The following UGT2B4 variants were observed in gnomAD, a reference collection of about 807,000 sequenced individuals.
The protein encoded by UGT2B4 is UDP glucuronosyltransferase family 2 member B4, also known as UDP-glucuronosyltransferase 2B4.
A neutral mutation model predicts 49.8 loss-of-function variants in UGT2B4; 49 were observed. The ratio of observed to expected loss-of-function variants is 0.98; its 90% CI spans 0.78 to 1.25. The LOEUF (loss-of-function observed/expected upper bound fraction) is 1.25, where lower values mean the gene tolerates loss of function less well. Ranked by LOEUF, UGT2B4 falls within the 50% of genes most tolerant of loss-of-function variation. The pLI is 0.00. For missense variants in UGT2B4, 729 were observed against 627.7 expected, an observed-to-expected ratio of 1.16 and a Z score of -1.73; for synonymous variants, 246 against 217.7, an observed-to-expected ratio of 1.13 and a Z score of -1.14.
intron 1 of UGT2B4, among the ~76,000 whole-genome samples, chr4:69,517,261 G>A (rs324317): frequency 0.012 from 1,784 of 151,524 alleles, 28 homozygotes; most frequent in African/African-American, 0.041. Context: ...AAGCATCCTG[G>A]GAAATATTTC....
chr4:69,493,229 A>T (rs558973693), intron 2 of UGT2B4, among the ~76,000 whole-genome samples: 1 of 151,974 alleles, frequency 6.6e-6, no homozygotes, highest in East Asian at 1.9e-4. Context: ...TGACTCCAGG[A>T]TACTCTCTAT....
chr4:69,503,054 G>A (rs1468431249), intron 1 of UGT2B4, among the ~76,000 whole-genome samples: 5 of 152,220 alleles, frequency 3.3e-5, no homozygotes, highest in African/African-American at 1.2e-4. Flanking sequence ...AGGGGTTGGT[G>A]TGGGAGCATC....
At chr4:69,490,942 G>A (rs908191553) in intron 2 of UGT2B4, among the ~76,000 whole-genome samples, 1 of 152,114 alleles carries the variant, frequency 6.6e-6, no homozygotes, top group Non-Finnish European at 1.5e-5. Context: ...TATTGATGTG[G>A]ACTGGTTGTT....
rs1727547481 is a variant in UGT2B4, at chr4:69,480,405, C to A, written c.*229G>T. 2 of 513,916 alleles carry A rather than the reference C, an allele frequency of 3.9e-6. No individual in the cohort carries two copies. The highest frequency in any genetic ancestry group is 3.3e-6 in the Non-Finnish European group (1 of 304,558). The allele number at this position is 513,916 out of a possible 1,614,324, so 31.8% of individuals were successfully genotyped here. A position where few individuals can be genotyped will look rare whatever the true frequency, so the allele number is the denominator to read the frequency against. ...ATAAGCTCAATACATTTCAATATAACCTCATATGGCTTTATATCATTTTTG... is the reference window on the plus strand; with the variant it reads ...ATAAGCTCAATACATTTCAATATAAACTCATATGGCTTTATATCATTTTTG... On this transcript the variant is annotated 3_prime_UTR_variant, in exon 6 of 6. Transcript: ENST00000305107.
intron 1 of UGT2B4, among the ~76,000 whole-genome samples, chr4:69,523,280 C>A (rs1475709450): frequency 2.0e-5 from 3 of 151,840 alleles, no homozygotes; most frequent in Non-Finnish European, 4.4e-5. Context: ...ACAGGAATTA[C>A]AATTTAAGAT....
At position 69,495,399 on chromosome 4, in the gene UGT2B4, G is replaced by A. The variant is rs375014423; in HGVS notation, c.463C>T (p.Pro155Ser). The A allele has an allele frequency of 7.4e-6, 12 of 1,613,902 alleles. No individual in the cohort carries two copies. Among genetic ancestry groups the A allele is most frequent in the Non-Finnish European group, 1.0e-5 (12 of 1,179,954 alleles). ...FDVVLADAVF[P>S]FGELLAELLK... ...AACTCGGCCAGCAGCTCACCAAAGGGGAAAACAGCATCTGCAAGAACAACA... is the reference window on the plus strand; with the variant it reads ...AACTCGGCCAGCAGCTCACCAAAGGAGAAAACAGCATCTGCAAGAACAACA... The change falls in exon 1 of 6, where the codon CCC becomes TCC. Residue 155 changes from proline (P) to serine (S), a missense_variant. Pro to Ser is a moderately conservative substitution (Grantham distance 74, BLOSUM62 -1). Coordinates refer to ENST00000305107, the MANE Select transcript of UGT2B4 (RefSeq NM_021139.3).
chr4:69,520,884 G>T (rs1282924011), intron 1 of UGT2B4, among the ~76,000 whole-genome samples: 2 of 152,144 alleles, frequency 1.3e-5, no homozygotes, highest in African/African-American at 4.8e-5. Context: ...TTCAAGCTAG[G>T]GGCACCCTAA....
chr4:69,499,095 G>A (rs1463669502), upstream of UGT2B4, among the ~76,000 whole-genome samples: 2 of 152,058 alleles, frequency 1.3e-5, no homozygotes, highest in African/African-American at 4.8e-5. Context: ...AGAACTTCTT[G>A]ATTTCTGCCT....
In UGT2B4 at chr4:69,480,837, A is replaced by G; in HGVS notation, c.1384T>C (p.Phe462Leu). 1 of 1,613,900 alleles carries G rather than the reference A, an allele frequency of 6.2e-7. No individual in the cohort carries two copies. Among genetic ancestry groups the G allele is most frequent in the Non-Finnish European group, 8.5e-7 (1 of 1,179,834 alleles). ...TGGCGCATGACAAATTCAATCCAGA[A>G]GACTGCTCGATCAAGGGGCTTCACT... ...QPVKPLDRAV[F>L]WIEFVMRHKG... The change falls in exon 6 of 6, where the codon TTC (phenylalanine) becomes CTC (leucine). Residue 462 changes from phenylalanine to leucine, a missense_variant. By Grantham distance (22) the Phe-to-Leu change is conservative (BLOSUM62 0). Transcript: ENST00000305107.
At position 69,520,485 on chromosome 4, in the gene UGT2B4, T is replaced by A. The variant is rs1413485427; in HGVS notation, c.-106+5202A>T. Among the ~76,000 whole-genome samples the A allele has an allele frequency of 5.3e-5, 8 of 152,312 alleles. No homozygotes were observed. The East Asian group carries it at 9.7e-4, about 18-fold the overall frequency. ...CCAGCTGTGGCTACAGACTTGGGCA[T>A]CCCTGTATTCATGGGGGTTCAGGAA... On this transcript the variant is annotated intron_variant, in intron 1 of 1. Coordinates refer to the UGT2B4 transcript ENST00000510114.
chr4:69,510,982 C>CTTTTTTTTTTTTTTTTTTTTTTTT (rs1259714505), intron 1 of UGT2B4, among the ~76,000 whole-genome samples: 2 of 110,956 alleles, frequency 1.8e-5, no homozygotes, highest in Non-Finnish European at 3.5e-5. Context: ...TCTTTCTTTT[C>CTTTTTTTTTTTTTTTTTTTTTTTT]TTTTCTTCTT....
chr4:69,495,817 G>C lies in UGT2B4; in HGVS notation c.45C>G (p.Ser15Arg). Residue 15 changes from serine to arginine, a missense_variant, in exon 1 of 6, where the codon AGC becomes AGG. Coordinates refer to ENST00000305107, the MANE Select transcript of UGT2B4 (RefSeq NM_021139.3). ...CACAACTCCCAGAGCTAAAGTAACA[G>C]CTCAGCTGTATCAGCAGAAGAGCTG... ...WTSALLLIQL[S>R]CYFSSGSCGK... 6.2e-7 allele frequency: 1 copy of C among 1,610,860 alleles called. No homozygotes were observed. The highest frequency in any genetic ancestry group is 1.7e-4 in the Middle Eastern group (1 of 6,040).
chr4:69,509,041 T>A lies in UGT2B4; in HGVS notation c.-105-13075A>T, dbSNP rs1013524427. On this transcript the variant is annotated intron_variant, in intron 1 of 1. Coordinates refer to the UGT2B4 transcript ENST00000510114. ...TACTCTCTGATTCTATGAGTTTGAC[T>A]GGTTTAGATGCCTTACAGAAGTGGA... Among the ~76,000 whole-genome samples the A allele has an allele frequency of 7.2e-5, 11 of 152,142 alleles. No individual in the cohort carries two copies. In the East Asian group the frequency reaches 1.9e-3, roughly 27 times the overall value.
chr4:69,525,125 G>T (rs1278753011), intron 1 of UGT2B4, among the ~76,000 whole-genome samples: 2 of 152,152 alleles, frequency 1.3e-5, no homozygotes, highest in Admixed American at 1.3e-4. Context: ...AAGTATTTAA[G>T]AAAGCCAGTC....
At chr4:69,521,465 T>G (rs963742843) in intron 1 of UGT2B4, among the ~76,000 whole-genome samples, 2 of 152,272 alleles carry the variant, frequency 1.3e-5, no homozygotes, top group East Asian at 3.9e-4. Flanking sequence ...GTACGTCTGG[T>G]CCAGCTGCAG....
chr4:69,492,104 G>C (rs1728005003), intron 2 of UGT2B4, among the ~76,000 whole-genome samples: 1 of 151,968 alleles, frequency 6.6e-6, no homozygotes, highest in African/African-American at 2.4e-5. Flanking sequence ...ATTGTAAACT[G>C]AGGGCACGAT....
chr4:69,509,450 TAC>T (rs1386877135), intron 1 of UGT2B4, among the ~76,000 whole-genome samples: 1 of 152,210 alleles, frequency 6.6e-6, no homozygotes. Flanking sequence ...TATTCTCACC[TAC>T]AGTGTACAAG....
At chr4:69,486,148 T>G (rs905462323) in intron 4 of UGT2B4, among the ~76,000 whole-genome samples, 19 of 152,092 alleles carry the variant, frequency 1.2e-4, no homozygotes, top group African/African-American at 3.6e-4. Context: ...GTGCTAGAAT[T>G]GAGGAAAGAC....
At chr4:69,504,700 T>G (rs1197049012) in intron 1 of UGT2B4, among the ~76,000 whole-genome samples, 1 of 152,158 alleles carries the variant, frequency 6.6e-6, no homozygotes, top group South Asian at 2.1e-4. Flanking sequence ...CCTGAGAATT[T>G]TCCCTACCTA....
Sources: gnomAD v4.1 joint callset for allele counts (sites outside exome capture counted in the v4.1 genomes callset) on GRCh38, gnomAD v4.1.1 for gene constraint, MANE v1.5 for transcripts, NCBI Gene and HGNC (gene_info 2026-07-23, HGNC 2026-07-21) for gene names.